ADAMTSL1: variants seen among roughly 807,000 people sequenced by gnomAD.
The protein encoded by ADAMTSL1 is ADAMTS like 1.
ADAMTSL1 carries 126 observed loss-of-function variants against 201.8 expected under a neutral mutation model. The observed-to-expected ratio is 0.62, with a 90% CI of 0.54 to 0.72. The LOEUF (loss-of-function observed/expected upper bound fraction) is 0.72, where lower values mean the gene tolerates loss of function less well. Among genes scored for constraint, ADAMTSL1 ranks in the 30% least tolerant of loss-of-function variants. ADAMTSL1 has a pLI of 0.00. For synonymous variants in ADAMTSL1, 1,121 were observed against 903.4 expected, an observed-to-expected ratio of 1.24 and a Z score of -4.32; for missense variants, 2,679 against 2,277.8, an observed-to-expected ratio of 1.18 and a Z score of -3.59.
chr9:18,903,523 A>G (rs1004228162), intron 26 of ADAMTSL1, among the ~76,000 whole-genome samples: 5 of 152,244 alleles, frequency 3.3e-5, no homozygotes, highest in Non-Finnish European at 5.9e-5. Context: ...CTTCACGTGT[A>G]TACAGGACTA....
At chr9:18,507,602 C>A (rs1817753231) in intron 2 of ADAMTSL1, among the ~76,000 whole-genome samples, 1 of 152,132 alleles carries the variant, frequency 6.6e-6, no homozygotes, top group Admixed American at 6.5e-5. Flanking sequence ...TTCTAGAAAG[C>A]ACAACACAAC....
chr9:18,099,236 C>T (rs1824384021), intron 1 of ADAMTSL1, among the ~76,000 whole-genome samples: 1 of 144,578 alleles, frequency 6.9e-6, no homozygotes, highest in Non-Finnish European at 1.5e-5. Context: ...TCTATTTTTG[C>T]CTGGGGTGTT....
intron 20 of ADAMTSL1, among the ~76,000 whole-genome samples, chr9:18,811,731 A>C (rs1217094622): frequency 6.6e-6 from 1 of 152,206 alleles, no homozygotes; most frequent in Non-Finnish European, 1.5e-5. Context: ...ACCCTTATTC[A>C]TTGTAGTGCT....
chr9:18,696,360 G>C (rs1831548964), intron 13 of ADAMTSL1, among the ~76,000 whole-genome samples: 2 of 152,222 alleles, frequency 1.3e-5, no homozygotes, highest in Non-Finnish European at 1.5e-5. Flanking sequence ...GGAAGTAAAA[G>C]AAGATTAGTG....
intron 15 of ADAMTSL1, among the ~76,000 whole-genome samples, chr9:18,745,919 C>G (rs538836562): frequency 1.3e-5 from 2 of 152,298 alleles, no homozygotes; most frequent in Admixed American, 1.3e-4. Context: ...TGACCCCTGT[C>G]CCAGGCCAGA....
chr9:18,711,717 G>A (rs561187784), intron 14 of ADAMTSL1, among the ~76,000 whole-genome samples: 3 of 152,130 alleles, frequency 2.0e-5, no homozygotes, highest in Non-Finnish European at 4.4e-5. Context: ...CAAAGCAGCT[G>A]GGAAGCTCGA....
intron 1 of ADAMTSL1, among the ~76,000 whole-genome samples, chr9:18,085,745 G>T (rs148203202): frequency 6.7e-6 from 1 of 149,866 alleles, no homozygotes; most frequent in Non-Finnish European, 1.5e-5. Context: ...ATATATATAC[G>T]TGTATACATA....
intron 2 of ADAMTSL1, among the ~76,000 whole-genome samples, chr9:18,194,378 G>T (rs1359383713): frequency 6.6e-6 from 1 of 151,962 alleles, no homozygotes. Context: ...AAAATGAAGA[G>T]GACAGAAATT....
Position 18,770,787 on chromosome 9 carries a change from T to C in ADAMTSL1, c.2397+6T>C, listed in dbSNP as rs768153378. ...TTCTCTCAGACTGGACAGAGGTATGTATGTTCCTCCGAAGAGAATGAAAGA... is the reference window on the plus strand; with the variant it reads ...TTCTCTCAGACTGGACAGAGGTATGCATGTTCCTCCGAAGAGAATGAAAGA... On this transcript the variant is annotated splice_donor_region_variant and intron_variant, in intron 17 of 28. Coordinates refer to ENST00000380548, the MANE Select transcript of ADAMTSL1 (RefSeq NM_001040272.6). 3.7e-6 allele frequency: 6 copies of C among 1,612,836 alleles called. No individual in the cohort carries two copies. Among genetic ancestry groups the C allele is most frequent in the Admixed American group, 3.3e-5 (2 of 59,912 alleles).
chr9:18,521,293 G>C (rs1394289608), intron 2 of ADAMTSL1, among the ~76,000 whole-genome samples: 1 of 151,976 alleles, frequency 6.6e-6, no homozygotes, highest in East Asian at 1.9e-4. Context: ...CATTTTTAAA[G>C]TACTAAAAGA....
intron 2 of ADAMTSL1, among the ~76,000 whole-genome samples, chr9:18,314,245 A>T (rs756721191): frequency 2.0e-4 from 30 of 152,292 alleles, no homozygotes; most frequent in Admixed American, 5.9e-4. Context: ...AGGGAATGTA[A>T]ATTAGTTCAG....
chr9:18,070,431 A>C lies in ADAMTSL1; in HGVS notation c.88-93431A>C, dbSNP rs139741739. On this transcript the variant is annotated intron_variant, in intron 1 of 29. Transcript: ENST00000680146. ...ATAGACTCTTATACAGTTTTTCAAG[A>C]ATTTTGCCTGGGGACGGAATGTGAA... Among the ~76,000 whole-genome samples, 329 of 152,278 alleles carry C rather than the reference A, an allele frequency of 2.2e-3. 2 individuals are homozygous for C. The highest frequency in any genetic ancestry group is 7.4e-3 in the African/African-American group (307 of 41,558).
At chr9:18,139,147 C>A (rs988623560) in intron 1 of ADAMTSL1, among the ~76,000 whole-genome samples, 1 of 152,088 alleles carries the variant, frequency 6.6e-6, no homozygotes, top group Non-Finnish European at 1.5e-5. Flanking sequence ...TTCAGCAAAC[C>A]TTGAACCTTA....
intron 1 of ADAMTSL1, among the ~76,000 whole-genome samples, chr9:18,039,494 G>A (rs1233945803): frequency 1.3e-5 from 2 of 152,040 alleles, no homozygotes; most frequent in South Asian, 4.1e-4. Flanking sequence ...TGTATTATTG[G>A]TGTATTTTTA....
intron 2 of ADAMTSL1, among the ~76,000 whole-genome samples, chr9:18,176,692 AC>A (rs1175106734): frequency 2.6e-5 from 4 of 152,180 alleles, no homozygotes; most frequent in Non-Finnish European, 5.9e-5. Flanking sequence ...TTTACTCAGC[AC>A]CATAGTATAG....
chr9:18,661,658 C>T (rs1829100575), intron 8 of ADAMTSL1, among the ~76,000 whole-genome samples: 4 of 152,132 alleles, frequency 2.6e-5, no homozygotes, highest in South Asian at 2.1e-4. Flanking sequence ...ATAACAAGAA[C>T]AGTTCTTACC....
chr9:18,330,485 C>T (rs1049485993), intron 2 of ADAMTSL1, among the ~76,000 whole-genome samples: 4 of 151,774 alleles, frequency 2.6e-5, no homozygotes, highest in African/African-American at 7.3e-5. Flanking sequence ...TCATCCTATT[C>T]CCTCAGGGTC....
intron 2 of ADAMTSL1, among the ~76,000 whole-genome samples, chr9:18,358,602 T>A (rs1836362103): frequency 2.0e-5 from 3 of 152,176 alleles, no homozygotes; most frequent in African/African-American, 7.2e-5. Context: ...ATTCTAGACA[T>A]ATTATATAAA....
Position 18,777,510 on chromosome 9 carries a change from A to G in ADAMTSL1, c.3281A>G (p.Asp1094Gly). The G allele has an allele frequency of 6.3e-7, 1 of 1,598,704 alleles. No homozygotes were observed. The highest frequency in any genetic ancestry group is 8.5e-7 in the Non-Finnish European group (1 of 1,173,064). Reference protein sequence around the residue: ...NLSQQPEELRDLYSKHLVAQL... With the variant: ...NLSQQPEELRGLYSKHLVAQL... The stretch of plus-strand genomic sequence containing the variant: ...TCCCAGCAGCCCGAGGAGCTGCGCG[A>G]CCTCTACAGCAAGCACCTGGTGGCC... The change falls in exon 19 of 29, where the codon GAC becomes GGC. Residue 1094 changes from aspartate to glycine, a missense_variant. Coordinates refer to ENST00000380548, the MANE Select transcript of ADAMTSL1 (RefSeq NM_001040272.6).
Sources: gnomAD v4.1 joint callset for allele counts (sites outside exome capture counted in the v4.1 genomes callset) on GRCh38, gnomAD v4.1.1 for gene constraint, MANE v1.5 for transcripts, NCBI Gene and HGNC (gene_info 2026-07-23, HGNC 2026-07-21) for gene names.